The following ABR variants were observed in gnomAD, a reference collection of about 807,000 sequenced individuals.
The protein encoded by ABR is active breakpoint cluster region-related protein.
ABR carries 35 observed loss-of-function variants against 107.2 expected under a neutral mutation model. The observed-to-expected ratio is 0.33, with a 90% CI of 0.25 to 0.43. The LOEUF is 0.43. ABR is among the 20% of genes least tolerant of loss of function. The pLI is 1.00. For synonymous variants in ABR, 498 were observed against 462.0 expected, an observed-to-expected ratio of 1.08 and a Z score of -1.00; for missense variants, 815 against 1,115.2, an observed-to-expected ratio of 0.73 and a Z score of 3.83.
intron 1 of ABR, among the ~76,000 whole-genome samples, chr17:1,172,057 C>T (rs1444505779): frequency 6.6e-6 from 1 of 152,214 alleles, no homozygotes; most frequent in Non-Finnish European, 1.5e-5. Flanking sequence ...CCAGTAAACC[C>T]AGATTCATCT....
At chr17:1,163,123 T>C (rs1267198389) in intron 1 of ABR, among the ~76,000 whole-genome samples, 2 of 152,228 alleles carry the variant, frequency 1.3e-5, no homozygotes, top group African/African-American at 4.8e-5. Flanking sequence ...TGTGCCTCTC[T>C]GTTCTCTCCT....
At chr17:1,012,409 G>A (rs773510894) in intron 18 of ABR, 37 of 672,966 alleles carry the variant, frequency 5.5e-5, no homozygotes, top group Middle Eastern at 2.3e-4. Context: ...CCAAACGTAG[G>A]CCCCCGGCTG....
chr17:1,224,468 C>T (rs146250215), intron 1 of ABR, among the ~76,000 whole-genome samples: 72 of 152,268 alleles, frequency 4.7e-4, no homozygotes, highest in Admixed American at 1.0e-3. Flanking sequence ...CTCTGAAACC[C>T]TGAGACTAAG....
chr17:1,031,877 C>CGCCT (rs2072821881), intron 16 of ABR: 48 of 1,149,252 alleles, frequency 4.2e-5, no homozygotes, highest in Non-Finnish European at 4.8e-5. Flanking sequence ...TCCCCGCGCT[C>CGCCT]CCCTCCCTCC....
chr17:1,011,857 ACGG>A lies in ABR; in HGVS notation c.2087_2089del (p.Ala696del), dbSNP rs1315857317. On this transcript the variant is annotated inframe_deletion, in exon 19 of 23. Transcript: ENST00000302538. This position sits in a 1 kb window ranked among gnomAD's most constrained non-coding sequence, Gnocchi z 4.8. ...CCTCCCAGACTCACTGGCATCGAAGACGGCCTTGAGCGCCTGGATGTCCGTGGC... is the reference window on the plus strand; with the variant it reads ...CCTCCCAGACTCACTGGCATCGAAGACCTTGAGCGCCTGGATGTCCGTGGC... The A allele has an allele frequency of 6.3e-7, 1 of 1,580,096 alleles. No homozygotes were observed. Among genetic ancestry groups the A allele is most frequent in the Admixed American group, 1.7e-5 (1 of 58,558 alleles).
At chr17:1,166,679 G>A (rs905879280) in intron 1 of ABR, among the ~76,000 whole-genome samples, 4 of 152,208 alleles carry the variant, frequency 2.6e-5, no homozygotes, top group African/African-American at 9.6e-5. Context: ...TGTGGGCAGC[G>A]CGGGCCTCAC....
chr17:1,132,030 C>T (rs1024314862), intron 1 of ABR, among the ~76,000 whole-genome samples: 1 of 151,848 alleles, frequency 6.6e-6, no homozygotes. Context: ...ACAGCTCCCC[C>T]CTCTTTGCAC....
chr17:1,113,123 G>A (rs976269569), intron 2 of ABR, among the ~76,000 whole-genome samples: 5 of 151,970 alleles, frequency 3.3e-5, no homozygotes, highest in African/African-American at 1.2e-4. Flanking sequence ...TACCCTCGCG[G>A]AGCTGACAGT....
At chr17:1,096,762 AC>A (rs1249060827) in intron 3 of ABR, among the ~76,000 whole-genome samples, 2 of 133,298 alleles carry the variant, frequency 1.5e-5, no homozygotes, top group East Asian at 5.2e-4. Context: ...GAAGGGGGGA[AC>A]CTGCCCCGGG....
chr17:1,017,426 C>T (rs2071244481), intron 16 of ABR, among the ~76,000 whole-genome samples: 1 of 150,946 alleles, frequency 6.6e-6, no homozygotes, highest in African/African-American at 2.4e-5. Context: ...AACTGAGATG[C>T]TACCCTTGGA....
Position 1,113,277 on chromosome 17 carries a change from G to GGTTTTTTTTTTTTTT in ABR, c.246+11905_246+11906insAAAAAAAAAAAAAAC, listed in dbSNP as rs1416563541. ...GGGATAACATGGAAACACCTATTGC[G>GGTTTTTTTTTTTTTT]ATTTTTTTTTTTTTTTTTTTTTTTT... On this transcript the variant is annotated intron_variant, in intron 2 of 22. Transcript: ENST00000302538. Among the ~76,000 whole-genome samples, 12 of 88,172 alleles carry GGTTTTTTTTTTTTTT rather than the reference G, an allele frequency of 1.4e-4. 3 individuals carry two copies. Among genetic ancestry groups the GGTTTTTTTTTTTTTT allele is most frequent in the Non-Finnish European group, 1.3e-4 (6 of 46,544 alleles). The allele number at this position is 88,172 out of a possible 152,430, so 57.8% of individuals were successfully genotyped here. A position where few individuals can be genotyped will look rare whatever the true frequency, so the allele number is the denominator to read the frequency against.
chr17:1,165,522 T>G (rs2041468702), intron 1 of ABR, among the ~76,000 whole-genome samples: 1 of 152,192 alleles, frequency 6.6e-6, no homozygotes, highest in African/African-American at 2.4e-5. Context: ...CAGCCCAGAG[T>G]GAAAACTTTC....
chr17:1,054,982 C>T (rs1441673650), intron 14 of ABR, among the ~76,000 whole-genome samples: 1 of 152,090 alleles, frequency 6.6e-6, no homozygotes, highest in East Asian at 1.9e-4. Context: ...GTCTTTTCTC[C>T]TCTCTGTGAC....
chr17:1,044,563 A>C (rs1029750387), intron 16 of ABR, among the ~76,000 whole-genome samples: 3 of 151,862 alleles, frequency 2.0e-5, no homozygotes, highest in African/African-American at 7.3e-5. Context: ...GGACAGGAGA[A>C]TGGCGTGAAC....
intron 1 of ABR, among the ~76,000 whole-genome samples, chr17:1,226,406 C>G (rs2043214827): frequency 6.6e-6 from 1 of 152,038 alleles, no homozygotes; most frequent in African/African-American, 2.4e-5. Context: ...TCTGTGTATG[C>G]ATGTATGTGG....
At chr17:1,151,602 G>T (rs2245403) in intron 1 of ABR, among the ~76,000 whole-genome samples, 2 of 151,816 alleles carry the variant, frequency 1.3e-5, no homozygotes, top group South Asian at 2.1e-4. Flanking sequence ...AGGGGATGGA[G>T]AAGTGTGTTT....
chr17:1,180,043 G>C (rs2042075517), upstream of ABR, among the ~76,000 whole-genome samples: 1 of 110,682 alleles, frequency 9.0e-6, no homozygotes, highest in African/African-American at 3.7e-5. Flanking sequence ...TGGTGCGGGG[G>C]CGGGGCTTTG....
chr17:1,012,582 C>T (rs1295145563), intron 18 of ABR, 106 bp downstream of exon 18: 2 of 829,960 alleles, frequency 2.4e-6, no homozygotes, highest in East Asian at 2.7e-5. Flanking sequence ...CGGGGGGTAA[C>T]TGATTAGGTG....
At position 1,042,381 on chromosome 17, in the gene ABR, G is replaced by A. The variant is rs75048800; in HGVS notation, c.1791+7669C>T. On this transcript the variant is annotated intron_variant, in intron 16 of 22. Coordinates refer to ENST00000302538, the MANE Select transcript of ABR (RefSeq NM_021962.5). ...TCCACGAACGGATGGATAAACAGACGTGGCACCTACATCCACGGACGGATG... is the reference window on the plus strand; with the variant it reads ...TCCACGAACGGATGGATAAACAGACATGGCACCTACATCCACGGACGGATG... Among the ~76,000 whole-genome samples, 6 of 148,708 alleles carry A rather than the reference G, an allele frequency of 4.0e-5. No individual in the cohort carries two copies. The East Asian group carries it at 8.0e-4, about 20-fold the overall frequency.
Sources: allele counts gnomAD v4.1 joint callset (sites outside exome capture counted in the v4.1 genomes callset), GRCh38; gene constraint gnomAD v4.1.1; non-coding constraint Gnocchi (gnomAD v3.1); transcripts MANE v1.5; gene names NCBI Gene and HGNC (gene_info 2026-07-23, HGNC 2026-07-21).